The following TRPV1 variants were observed in gnomAD, a reference collection of about 807,000 sequenced individuals.
TRPV1 encodes the protein transient receptor potential cation channel subfamily V member 1, also known as OTRPC1.
A neutral mutation model predicts 82.3 loss-of-function variants in TRPV1; 82 were observed. The observed-to-expected ratio is 1.00, with a 90% CI of 0.83 to 1.20. TRPV1 has a LOEUF of 1.20. Ranked by LOEUF, TRPV1 falls within the 50% of genes most tolerant of loss-of-function variation. TRPV1 has a pLI of 0.00. For missense variants in TRPV1, 1,067 were observed against 1,096.8 expected (o/e 0.97, Z 0.38); for synonymous variants, 515 against 467.7 (o/e 1.10, Z -1.30).
chr17:3,573,551 C>CCCCCCCCCCCCCCCCCTCTG, intron 14 of TRPV1, 82 bp downstream of exon 14: 1 of 635,234 alleles, frequency 1.6e-6, no homozygotes, highest in South Asian at 6.1e-5. Context: ...ACCCACCCAC[C>CCCCCCCCCCCCCCCCCTCTG]TGCAGCCAGC....
intron 2 of TRPV1, among the ~76,000 whole-genome samples, chr17:3,594,486 T>A (rs1287224889): frequency 1.3e-5 from 2 of 152,068 alleles, no homozygotes; most frequent in Non-Finnish European, 2.9e-5. Context: ...GAATCTCAGA[T>A]CCATGAAAAC....
At chr17:3,567,097 C>T (rs2074774269) in intron 16 of TRPV1, 110 bp from the exon 17 acceptor site, 2 of 1,288,594 alleles carry the variant, frequency 1.6e-6, no homozygotes, top group Non-Finnish European at 2.1e-6. Context: ...ATGGCTCATG[C>T]CTGTAATCCC....
chr17:3,577,259 C>T, intron 12 of TRPV1, 67 bp from the exon 13 acceptor site: 1 of 1,510,666 alleles, frequency 6.6e-7, no homozygotes, highest in Non-Finnish European at 9.0e-7. Flanking sequence ...AAGGGCCGGG[C>T]CGCATCGGCC....
intron 11 of TRPV1, among the ~76,000 whole-genome samples, chr17:3,579,559 T>G (rs1407290552): frequency 1.3e-5 from 2 of 152,176 alleles, no homozygotes; most frequent in African/African-American, 2.4e-5. Flanking sequence ...CACTGCAACC[T>G]CTGTCTCCCG....
At chr17:3,585,988 C>A (rs1454335878) in intron 8 of TRPV1, 62 bp from the exon 9 acceptor site, 2 of 1,595,346 alleles carry the variant, frequency 1.3e-6, no homozygotes, top group African/African-American at 1.3e-5. Context: ...CACGCCCACA[C>A]CAGCCCGTGG....
intron 13 of TRPV1, among the ~76,000 whole-genome samples, chr17:3,574,435 C>T (rs940817704): frequency 2.0e-5 from 3 of 152,044 alleles, no homozygotes; most frequent in African/African-American, 7.2e-5. Context: ...TATCCACAAA[C>T]CCCCCCGGCC....
At chr17:3,591,392 TCCC>T (rs2075156038) in intron 3 of TRPV1, 39 bp from the exon 4 acceptor site, 2 of 1,529,562 alleles carry the variant, frequency 1.3e-6, no homozygotes, top group East Asian at 4.5e-5. Flanking sequence ...TACCCTGGCC[TCCC>T]CTCGGCCCTG....
Position 3,577,172 on chromosome 17 carries a change from G to T in TRPV1, c.1734C>A (p.Cys578Ter), listed in dbSNP as rs531031994. The T allele has an allele frequency of 2.5e-6, 4 of 1,585,340 alleles. No homozygotes were observed. In the Admixed American group the frequency reaches 7.2e-5, roughly 29 times the overall value. ...MIEKMILRDL[C>*]RFMFVYIVFL... ...AGACGATGTAGACAAACATGAAACG[G>T]CACAGGTCTCTCAGGATCATCTGCA... is the stretch of plus-strand genomic sequence containing the variant. Residue 578 changes from cysteine to a stop codon, truncating the protein, a stop_gained, in exon 13 of 17, where the codon TGC (cysteine) becomes TGA (stop). Transcript: ENST00000572705. LOFTEE classifies it high-confidence loss of function.
At chr17:3,585,715 C>T in intron 9 of TRPV1, 53 bp downstream of exon 9, 1 of 1,578,048 alleles carries the variant, frequency 6.3e-7, no homozygotes, top group Non-Finnish European at 8.6e-7. Flanking sequence ...ATGTCCACAC[C>T]CCTTCCCCAC....
At chr17:3,579,325 A>AT (rs1217337853) in intron 11 of TRPV1, among the ~76,000 whole-genome samples, 8 of 152,088 alleles carry the variant, frequency 5.3e-5, no homozygotes, top group Admixed American at 5.2e-4. Context: ...ATTTGAAATT[A>AT]TTCCTTGTTC....
chr17:3,573,551 C>CCCCCCCCCCCCCCCCCT lies in TRPV1; in HGVS notation c.2103+81_2103+82insAGGGGGGGGGGGGGGGG. The CCCCCCCCCCCCCCCCCT allele has an allele frequency of 5.4e-5, 34 of 635,234 alleles. 4 individuals are homozygous for CCCCCCCCCCCCCCCCCT. The South Asian group carries it at 6.1e-4, about 11-fold the overall frequency. 39.3% of individuals were successfully genotyped at this position (635,234 alleles called of 1,614,324 possible). A position where few individuals can be genotyped will look rare whatever the true frequency, so the allele number is the denominator to read the frequency against. ...CACACCGCCCCCACCACCCACCCAC[C>CCCCCCCCCCCCCCCCCT]TGCAGCCAGCTGTGTAAGACAGCAG... On this transcript the variant is annotated intron_variant, in intron 14 of 16. Transcript: ENST00000572705.
rs1353571296 is a variant in TRPV1, at chr17:3,591,230, G to A, written c.408C>T (p.Phe136=). ...NCQDLESLLL[F]LQKSKKHLTD... ...TGAGGTGCTTCTTGCTCTTCTGCAG[G>A]AAGAGCAGCAGGCTCTCCAGATCCT... is the stretch of plus-strand genomic sequence containing the variant. The change falls in exon 4 of 17, where the codon TTC becomes TTT. Residue 136 remains phenylalanine, a synonymous_variant. Transcript: ENST00000572705. The A allele has an allele frequency of 6.2e-7, 1 of 1,612,822 alleles. No homozygotes were observed. The highest frequency in any genetic ancestry group is 8.5e-7 in the Non-Finnish European group (1 of 1,179,654).
rs1597535151 is a variant in TRPV1, at chr17:3,585,989, C to G, written c.1225-63G>C. ...GCAGGAACTCCTCGCACGCCCACAC[C>G]AGCCCGTGGTGCCCCTCACAGCCAT... On this transcript the variant is annotated intron_variant, in intron 8 of 16. Transcript: ENST00000572705. 2.6e-5 allele frequency: 41 copies of G among 1,593,470 alleles called. No individual in the cohort carries two copies. In the East Asian group the frequency reaches 9.2e-4, roughly 36 times the overall value.
At chr17:3,569,476 T>C (rs1206935603) in intron 16 of TRPV1, among the ~76,000 whole-genome samples, 2 of 152,174 alleles carry the variant, frequency 1.3e-5, no homozygotes, top group East Asian at 3.8e-4. Flanking sequence ...AGAAGTGAAA[T>C]TCACAAGGGG....
Position 3,577,664 on chromosome 17 carries a change from C to T in TRPV1, c.1647G>A (p.Trp549Ter). The change falls in exon 12 of 17, where the codon TGG (tryptophan) becomes TGA (stop). Residue 549 changes from tryptophan to a stop codon, truncating the protein, a stop_gained. Coordinates refer to ENST00000572705, the MANE Select transcript of TRPV1 (RefSeq NM_080704.4). LOFTEE classifies it high-confidence loss of function. Reference protein sequence around the residue: ...ASMVFSLALGWTNMLYYTRGF... With the variant: ...ASMVFSLALG ...CGCGGGTGTAGTAGAGCATGTTGGT[C>T]CAGCCCAAGGCCAGGGAGAATACCA... The T allele has an allele frequency of 6.3e-7, 1 of 1,587,278 alleles. No homozygotes were observed. Among genetic ancestry groups the T allele is most frequent in the Non-Finnish European group, 8.6e-7 (1 of 1,167,166 alleles).
intron 11 of TRPV1, 94 bp from the exon 12 acceptor site, chr17:3,577,857 CT>C: frequency 8.1e-7 from 1 of 1,233,510 alleles, no homozygotes; most frequent in Non-Finnish European, 1.1e-6. Context: ...GAGGTCCAGA[CT>C]GCAGGCCGCA....
At chr17:3,580,027 C>A (rs1800304871) in intron 11 of TRPV1, among the ~76,000 whole-genome samples, 2 of 74,954 alleles carry the variant, frequency 2.7e-5, no homozygotes, top group Admixed American at 2.8e-4. Context: ...GGGCAGCCCC[C>A]GCCCCGCCCC....
Position 3,570,413 on chromosome 17 carries a change from T to G in TRPV1, c.2347+1111A>C, listed in dbSNP as rs34087976. On this transcript the variant is annotated intron_variant, in intron 16 of 16. Transcript: ENST00000572705. ...AGTTCTGGAAATAGATAGTGGTGAG[T>G]GTTGTACAATAATGTAAATGTACTT... Among the ~76,000 whole-genome samples the G allele has an allele frequency of 1.2e-3, 174 of 150,944 alleles. 2 individuals carry two copies. The highest frequency in any genetic ancestry group is 5.7e-3 in the South Asian group (27 of 4,742).
rs144697274 is a variant in TRPV1 at position 3,606,796 on chromosome 17, G to T, written c.-34+1631C>A. Among the ~76,000 whole-genome samples, 284 of 151,744 alleles carry T rather than the reference G, an allele frequency of 1.9e-3. 1 individual carries two copies. The highest frequency in any genetic ancestry group is 2.9e-3 in the Non-Finnish European group (194 of 67,684). On this transcript the variant is annotated intron_variant, in intron 2 of 16. Transcript: ENST00000572705. ...GAATGCATAGTCTGGAAAGAGGACA[G>T]AGAGTTCCGGGGCCACACCAGGCAC...
Sources: allele counts gnomAD v4.1 joint callset (sites outside exome capture counted in the v4.1 genomes callset), GRCh38; gene constraint gnomAD v4.1.1; transcripts MANE v1.5; gene names NCBI Gene and HGNC (gene_info 2026-07-23, HGNC 2026-07-21).